Variants in STAM observed in about 807,000 individuals in gnomAD.
STAM encodes signal transducing adapter molecule 1.
STAM carries 16 observed loss-of-function variants against 63.4 expected under a neutral mutation model. That is an observed-to-expected ratio of 0.25 (90% confidence interval 0.17 to 0.38). STAM has a LOEUF of 0.38. Among genes scored for constraint, STAM ranks in the 10% least tolerant of loss-of-function variants. The pLI is 1.00. For missense variants in STAM, 636 were observed against 657.1 expected, an observed-to-expected ratio of 0.97 and a Z score of 0.35; for synonymous variants, 238 against 223.9, an observed-to-expected ratio of 1.06 and a Z score of -0.56.
In STAM at chr10:17,715,007, C is replaced by G; in HGVS notation, c.*227C>G. 1 of 525,778 alleles carries G rather than the reference C, an allele frequency of 1.9e-6. No homozygotes were observed. Among genetic ancestry groups the G allele is most frequent in the East Asian group, 3.3e-5 (1 of 30,154 alleles). The allele number at this position is 525,778 out of a possible 1,614,324, so 32.6% of individuals were successfully genotyped here. On this transcript the variant is annotated 3_prime_UTR_variant, in exon 14 of 14. Transcript: ENST00000377524. ...ATGAAACTACTTACAACATTTAATT[C>G]CTTTCATAATATGAAAGAATTGATA... is the stretch of plus-strand genomic sequence containing the variant.
intron 12 of STAM, 107 bp downstream of exon 12, chr10:17,705,848 G>A (rs1836239833): frequency 9.6e-7 from 1 of 1,038,150 alleles, no homozygotes; most frequent in African/African-American, 1.6e-5. Context: ...CAAGAGGATT[G>A]CTTGAGACCA....
intron 5 of STAM, among the ~76,000 whole-genome samples, chr10:17,692,404 G>A (rs192866425): frequency 2.9e-4 from 44 of 152,328 alleles, no homozygotes; most frequent in African/African-American, 9.9e-4. Flanking sequence ...GGAGCCATAG[G>A]GGGAGAACGT....
At chr10:17,700,825 C>A (rs1254797744) in intron 9 of STAM, among the ~76,000 whole-genome samples, 1 of 152,100 alleles carries the variant, frequency 6.6e-6, no homozygotes, top group Non-Finnish European at 1.5e-5. Context: ...CATTGACTAT[C>A]TATTGAAACA....
intron 2 of STAM, among the ~76,000 whole-genome samples, chr10:17,670,886 G>A (rs1188304007): frequency 5.3e-5 from 8 of 151,840 alleles, no homozygotes; most frequent in African/African-American, 1.5e-4. Context: ...TTTATGTAAT[G>A]TATGTTACAA....
chr10:17,684,963 GTCT>G, intron 4 of STAM, 36 bp downstream of exon 4: 1 of 1,521,314 alleles, frequency 6.6e-7, no homozygotes, highest in Non-Finnish European at 9.1e-7. Flanking sequence ...AATTAAGGCA[GTCT>G]TCTTTCTTCA....
At chr10:17,701,319 AC>A (rs1835984941) in intron 9 of STAM, among the ~76,000 whole-genome samples, 1 of 152,214 alleles carries the variant, frequency 6.6e-6, no homozygotes, top group Non-Finnish European at 1.5e-5. Flanking sequence ...CAAACTTATT[AC>A]CATGTTTTAA....
At chr10:17,687,361 C>T (rs894614559) in intron 4 of STAM, among the ~76,000 whole-genome samples, 6 of 152,008 alleles carry the variant, frequency 3.9e-5, no homozygotes, top group Admixed American at 6.6e-5. Flanking sequence ...TGTAATCCTA[C>T]TCGGGAGGTT....
In STAM at chr10:17,696,529, G is replaced by A. The variant is rs926850328; in HGVS notation, c.729-246G>A. Reference sequence around the variant, plus strand: ...TTCGTATTGGTGCCTCTTTTTTTGGGAGAGAGTCCATAACTGCAGAGCATG... The same window carrying A: ...TTCGTATTGGTGCCTCTTTTTTTGGAAGAGAGTCCATAACTGCAGAGCATG... On this transcript the variant is annotated intron_variant, in intron 7 of 13. Transcript: ENST00000377524. 4 of 366,294 alleles carry A rather than the reference G, an allele frequency of 1.1e-5. No homozygotes were observed. In the Admixed American group the frequency reaches 1.7e-4, roughly 16 times the overall value. The allele number at this position is 366,294 out of a possible 1,614,324, so 22.7% of individuals were successfully genotyped here.
chr10:17,689,973 C>A (rs572418648), intron 5 of STAM, among the ~76,000 whole-genome samples: 1 of 152,330 alleles, frequency 6.6e-6, no homozygotes, highest in African/African-American at 2.4e-5. Context: ...GGGACTTACT[C>A]TTGTAAGAAA....
intron 2 of STAM, among the ~76,000 whole-genome samples, chr10:17,660,930 A>T (rs978144161): frequency 6.6e-6 from 1 of 152,162 alleles, no homozygotes; most frequent in Non-Finnish European, 1.5e-5. Flanking sequence ...ACCCTCCTTC[A>T]TATTTTCTTC....
At chr10:17,644,485 C>G (rs1025183458) in intron 1 of STAM, 106 bp downstream of exon 1, 1 of 1,340,170 alleles carries the variant, frequency 7.5e-7, no homozygotes. Flanking sequence ...AGGAAGAGCT[C>G]GCTCTTCCCC....
At chr10:17,669,371 C>T (rs1479095795) in intron 2 of STAM, among the ~76,000 whole-genome samples, 9 of 144,086 alleles carry the variant, frequency 6.2e-5, no homozygotes, top group African/African-American at 2.0e-4. Flanking sequence ...TTTTTTTTTC[C>T]GGAAATGTTG....
intron 12 of STAM, among the ~76,000 whole-genome samples, chr10:17,707,009 A>C (rs1480226833): frequency 3.3e-5 from 5 of 152,238 alleles, no homozygotes; most frequent in Non-Finnish European, 5.9e-5. Flanking sequence ...ATGAGAATGC[A>C]TGCAATGCAG....
intron 2 of STAM, among the ~76,000 whole-genome samples, chr10:17,672,582 G>A (rs939454743): frequency 1.1e-4 from 17 of 152,160 alleles, no homozygotes; most frequent in African/African-American, 3.9e-4. Flanking sequence ...ATTCTTGCTC[G>A]GAGCATGCAT....
intron 13 of STAM, among the ~76,000 whole-genome samples, chr10:17,710,130 A>C (rs1365502071): frequency 2.6e-5 from 4 of 151,830 alleles, no homozygotes; most frequent in Non-Finnish European, 5.9e-5. Context: ...CCCTGCAGCT[A>C]TTTTAGTATT....
rs117774687 is a variant in STAM, at chr10:17,701,727, C to A, written c.912+1448C>A. ...CTCCTACCATTTTCGTTTTTACCCC[C>A]CTCCTCTCCCTTTTCAATTCTTCTC... On this transcript the variant is annotated intron_variant, in intron 9 of 13. Transcript: ENST00000377524. 4.4e-4 allele frequency among the ~76,000 whole-genome samples: 67 copies of A among 152,264 alleles called. 2 individuals carry two copies. The East Asian group carries it at 0.012, about 28-fold the overall frequency.
chr10:17,671,994 G>A (rs1167668169), intron 2 of STAM, among the ~76,000 whole-genome samples: 2 of 152,078 alleles, frequency 1.3e-5, no homozygotes, highest in Admixed American at 6.6e-5. Flanking sequence ...TCGGCATATG[G>A]TTTTTATGAT....
Position 17,673,023 on chromosome 10 carries a change from A to G in STAM, c.126-11652A>G, listed in dbSNP as rs140833218. ...TTACAAAAAGTTTTAAAATACCAAAATGGGGTTTTAAGAAGCTTTTTGAGA... is the reference window on the plus strand; with the variant it reads ...TTACAAAAAGTTTTAAAATACCAAAGTGGGGTTTTAAGAAGCTTTTTGAGA... On this transcript the variant is annotated intron_variant, in intron 2 of 13. Transcript: ENST00000377524. 2.7e-3 allele frequency: 2,689 copies of G among 985,326 alleles called. 5 individuals carry two copies. Among genetic ancestry groups the G allele is most frequent in the South Asian group, 0.011 (241 of 21,282 alleles). The allele number at this position is 985,326 out of a possible 1,614,324, so 61.0% of individuals were successfully genotyped here.
At chr10:17,682,079 A>T (rs1409129017) in intron 2 of STAM, among the ~76,000 whole-genome samples, 1 of 152,178 alleles carries the variant, frequency 6.6e-6, no homozygotes, top group East Asian at 1.9e-4. Flanking sequence ...TGATAGTTTG[A>T]TGAGTTTTGA....
Sources: gnomAD v4.1 joint callset for allele counts (sites outside exome capture counted in the v4.1 genomes callset) on GRCh38, gnomAD v4.1.1 for gene constraint, MANE v1.5 for transcripts, NCBI Gene and HGNC (gene_info 2026-07-23, HGNC 2026-07-21) for gene names.